The following EREG variants were observed in gnomAD, a reference collection of about 807,000 sequenced individuals.
EREG encodes the protein proepiregulin.
A neutral mutation model predicts 22.4 loss-of-function variants in EREG; 23 were observed. The observed-to-expected ratio is 1.03, with a 90% CI of 0.74 to 1.46. The LOEUF is 1.46. Among genes scored for constraint, EREG ranks in the 40% most tolerant of loss-of-function variants. The pLI is 0.00. For missense variants in EREG, 226 were observed against 205.9 expected, an observed-to-expected ratio of 1.10 and a Z score of -0.60; for synonymous variants, 100 against 75.4, an observed-to-expected ratio of 1.33 and a Z score of -1.69.
At chr4:74,377,250 A>T (rs1752398046) in intron 1 of EREG, among the ~76,000 whole-genome samples, 3 of 151,974 alleles carry the variant, frequency 2.0e-5, no homozygotes, top group Admixed American at 2.0e-4. Context: ...AAGTAAATTA[A>T]TTTTTTTTCA....
intron 1 of EREG, among the ~76,000 whole-genome samples, chr4:74,365,607 T>C (rs1752164985): frequency 6.6e-6 from 1 of 151,998 alleles, no homozygotes; most frequent in Admixed American, 6.6e-5. Flanking sequence ...TTGGCATATA[T>C]GTTATGCATG....
rs777267979 is a variant in EREG at position 74,382,715 on chromosome 4, G to A, written c.349G>A (p.Glu117Lys). 14 of 1,613,564 alleles carry A rather than the reference G, an allele frequency of 8.7e-6. No homozygotes were observed. Among genetic ancestry groups the A allele is most frequent in the Non-Finnish European group, 1.2e-5 (14 of 1,179,626 alleles). Reference protein sequence around the residue: ...FLTVHQPLSKEYVALTVILII... With the variant: ...FLTVHQPLSKKYVALTVILII... ...AACCGTCCACCAACCTTTAAGCAAA[G>A]AATATGTGGCTTTGACCGTGATTCT... Residue 117 changes from glutamate to lysine, a missense_variant, in exon 4 of 5, where the codon GAA becomes AAA. Transcript: ENST00000244869.
intron 1 of EREG, among the ~76,000 whole-genome samples, chr4:74,378,585 A>G (rs778587099): frequency 7.2e-5 from 11 of 152,172 alleles, no homozygotes; most frequent in Non-Finnish European, 1.6e-4. Context: ...TACCACCACC[A>G]TTAGTATTTA....
At chr4:74,383,418 C>T (rs1443991932) in intron 4 of EREG, among the ~76,000 whole-genome samples, 1 of 152,020 alleles carries the variant, frequency 6.6e-6, no homozygotes, top group African/African-American at 2.4e-5. Context: ...TATTTCTAGA[C>T]AATTATAAAA....
intron 1 of EREG, among the ~76,000 whole-genome samples, chr4:74,369,433 G>GT (rs1282570367): frequency 6.6e-6 from 1 of 152,034 alleles, no homozygotes; most frequent in Non-Finnish European, 1.5e-5. Flanking sequence ...AGAACATATG[G>GT]TTTTTTGGTT....
chr4:74,365,665 C>CTGT (rs1752166254), intron 1 of EREG, among the ~76,000 whole-genome samples: 2 of 139,120 alleles, frequency 1.4e-5, no homozygotes, highest in Admixed American at 1.4e-4. Context: ...GTTGAAAAAG[C>CTGT]TTTTTTTTTT....
intron 3 of EREG, chr4:74,381,983 TCAAAAAAAAAAA>T: frequency 2.1e-4 from 1 of 4,772 alleles, no homozygotes; most frequent in African/African-American, 7.6e-4. Flanking sequence ...AGACTCCGTC[TCAAAAAAAAAAA>T]AAAAAAAAAA....
At chr4:74,367,222 A>C (rs1234454613) in intron 1 of EREG, among the ~76,000 whole-genome samples, 1 of 152,134 alleles carries the variant, frequency 6.6e-6, no homozygotes, top group African/African-American at 2.4e-5. Flanking sequence ...GTTACTTTTA[A>C]ATTTTACACT....
intron 1 of EREG, among the ~76,000 whole-genome samples, chr4:74,373,107 T>C (rs1400933604): frequency 6.6e-6 from 1 of 151,692 alleles, no homozygotes; most frequent in Non-Finnish European, 1.5e-5. Context: ...ACATAAGAGT[T>C]GGTATGTATT....
Position 74,382,786 on chromosome 4 carries a change from C to A in EREG, c.420C>A (p.Phe140Leu), listed in dbSNP as rs1752500510. The A allele has an allele frequency of 6.2e-7, 1 of 1,612,086 alleles. No homozygotes were observed. The highest frequency in any genetic ancestry group is 2.2e-5 in the East Asian group (1 of 44,848). The change falls in exon 4 of 5, where the codon TTC becomes TTA. Residue 140 changes from phenylalanine to leucine, a missense_variant. Phe to Leu is a conservative substitution (Grantham distance 22, BLOSUM62 0). Transcript: ENST00000244869. ...CAGTCGTCGGTTCCACATATTATTT[C>A]TGCAGATGGTAAGTCAGTGTGGTTT... Reference protein sequence around the residue: ...LITVVGSTYYFCRWYRNRKSK... With the variant: ...LITVVGSTYYLCRWYRNRKSK...
chr4:74,372,900 C>T lies in EREG; in HGVS notation c.68-6548C>T, dbSNP rs772194757. ...TCGGCTCACTGCAACCTCTGCTTCC[C>T]GGGTTCACGCCATTCTCCTGCCTCA... On this transcript the variant is annotated intron_variant, in intron 1 of 4. Coordinates refer to ENST00000244869, the MANE Select transcript of EREG (RefSeq NM_001432.3). Among the ~76,000 whole-genome samples, 77 of 145,938 alleles carry T rather than the reference C, an allele frequency of 5.3e-4. 1 individual carries two copies. Among genetic ancestry groups the T allele is most frequent in the Non-Finnish European group, 9.5e-4 (64 of 67,104 alleles).
At chr4:74,366,163 C>A (rs1011827753) in intron 1 of EREG, among the ~76,000 whole-genome samples, 1 of 152,008 alleles carries the variant, frequency 6.6e-6, no homozygotes, top group Non-Finnish European at 1.5e-5. Flanking sequence ...TCTAAATAGC[C>A]TTTCTGTTAA....
intron 1 of EREG, among the ~76,000 whole-genome samples, chr4:74,377,170 A>AC (rs527395308): frequency 1.5e-4 from 23 of 152,226 alleles, no homozygotes; most frequent in African/African-American, 5.5e-4. Context: ...AAAAAAAAAA[A>AC]AAAAACATTA....
intron 1 of EREG, among the ~76,000 whole-genome samples, chr4:74,370,116 T>C (rs1207773646): frequency 6.6e-6 from 1 of 152,218 alleles, no homozygotes; most frequent in African/African-American, 2.4e-5. Context: ...TCTTTACTTT[T>C]GGTGAAAGTA....
intron 3 of EREG, chr4:74,382,088 T>G (rs6831666): frequency 0.073 from 10,981 of 150,530 alleles, 672 homozygotes; most frequent in African/African-American, 0.17. Flanking sequence ...GCAGACCACT[T>G]GAGGTCAGGA....
intron 1 of EREG, among the ~76,000 whole-genome samples, chr4:74,374,557 A>G (rs1752346701): frequency 6.6e-6 from 1 of 152,224 alleles, no homozygotes; most frequent in Non-Finnish European, 1.5e-5. Context: ...ATATAAATAA[A>G]AATGAAGCAA....
intron 1 of EREG, among the ~76,000 whole-genome samples, chr4:74,374,531 TC>T (rs1354656906): frequency 6.6e-6 from 1 of 152,088 alleles, no homozygotes; most frequent in Non-Finnish European, 1.5e-5. Context: ...AGTAAGAGCC[TC>T]GAAAAACAAA....
At chr4:74,383,381 T>G (rs572387577) in intron 4 of EREG, among the ~76,000 whole-genome samples, 1 of 152,276 alleles carries the variant, frequency 6.6e-6, no homozygotes, top group East Asian at 1.9e-4. Flanking sequence ...TTGGGTTATC[T>G]TACAGTTTAA....
At chr4:74,383,156 G>A (rs1221391551) in intron 4 of EREG, among the ~76,000 whole-genome samples, 1 of 152,150 alleles carries the variant, frequency 6.6e-6, no homozygotes. Flanking sequence ...AAGTCAAATT[G>A]AGAGTATCAA....
Sources: allele counts gnomAD v4.1 joint callset (sites outside exome capture counted in the v4.1 genomes callset), GRCh38; gene constraint gnomAD v4.1.1; transcripts MANE v1.5; gene names NCBI Gene and HGNC (gene_info 2026-07-23, HGNC 2026-07-21).